HPRT1: variants seen among roughly 807,000 people sequenced by gnomAD.
The protein encoded by HPRT1 is hypoxanthine-guanine phosphoribosyltransferase.
In HPRT1, 4 loss-of-function variants were observed where a neutral mutation model predicts 19.0. That is an observed-to-expected ratio of 0.21 (90% confidence interval 0.10 to 0.48). The LOEUF (loss-of-function observed/expected upper bound fraction) is 0.48. Ranked by LOEUF, HPRT1 falls within the 20% of genes least tolerant of loss-of-function variation. The pLI, the probability that HPRT1 is intolerant of heterozygous loss-of-function variation, is 0.98. For synonymous variants in HPRT1, 53 were observed against 54.9 expected (o/e 0.97, Z 0.15); for missense variants, 65 against 164.0 (o/e 0.40, Z 3.30).
In HPRT1 at chrX:134,493,522, T is replaced by C. The variant is rs1202127208; in HGVS notation, c.417T>C (p.Thr139=). Reference sequence around the variant, plus strand: ...TTTTTTGAAAGGATATAATTGACACTGGCAAAACAATGCAGACTTTGCTTT... The same window carrying C: ...TTTTTTGAAAGGATATAATTGACACCGGCAAAACAATGCAGACTTTGCTTT... The part of the protein sequence containing the change: ...NVLIVEDIID[T]GKTMQTLLSL... The change falls in exon 6 of 9, where the codon ACT becomes ACC. Residue 139 remains threonine (T), a synonymous_variant. Transcript: ENST00000298556. The C allele has an allele frequency of 8.3e-6, 10 of 1,202,067 alleles. No individual in the cohort carries two copies. The highest frequency in any genetic ancestry group is 1.1e-5 in the Non-Finnish European group (10 of 888,014).
rs190378892 is a variant in HPRT1, at chrX:134,462,715, A to G, written c.27+2377A>G. Among the ~76,000 whole-genome samples, 602 of 112,366 alleles carry G rather than the reference A, an allele frequency of 5.4e-3. 2 individuals carry two copies. The highest frequency in any genetic ancestry group is 0.018 in the African/African-American group (572 of 30,990). On this transcript the variant is annotated intron_variant, in intron 1 of 8. Transcript: ENST00000298556. Reference sequence around the variant, plus strand: ...GGCTGTTTGTTAGTTTTCTTTGAACATAAGATACTCATTGTTTTTAGTTTG... The same window carrying G: ...GGCTGTTTGTTAGTTTTCTTTGAACGTAAGATACTCATTGTTTTTAGTTTG...
rs762088856 is a variant in HPRT1, at chrX:134,472,827, G to A, written c.28-532G>A. On this transcript the variant is annotated intron_variant, in intron 1 of 8. Coordinates refer to ENST00000298556, the MANE Select transcript of HPRT1 (RefSeq NM_000194.3). ...TGACCTCAGGTGATCCACCCGCCTC[G>A]GCCTCCCAAAGTGCTGGGATTACAG... Among the ~76,000 whole-genome samples, 37 of 111,143 alleles carry A rather than the reference G, an allele frequency of 3.3e-4. 1 individual carries two copies. In the South Asian group the frequency reaches 0.012, roughly 37 times the overall value.
intron 5 of HPRT1, among the ~76,000 whole-genome samples, chrX:134,492,746 G>GGGGA (rs1027347743): frequency 1.8e-5 from 2 of 111,981 alleles, no homozygotes; most frequent in African/African-American, 6.5e-5. Flanking sequence ...TCACATTCAA[G>GGGGA]GGGAGGGAAC....
At chrX:134,482,814 C>T (rs1320619785) in intron 3 of HPRT1, among the ~76,000 whole-genome samples, 1 of 103,734 alleles carries the variant, frequency 9.6e-6, no homozygotes, top group Non-Finnish European at 2.0e-5. Flanking sequence ...AATGGAATAT[C>T]TGCCCTTTTT....
At chrX:134,466,712 T>C (rs1160012647) in intron 1 of HPRT1, among the ~76,000 whole-genome samples, 2 of 112,211 alleles carry the variant, frequency 1.8e-5, no homozygotes, top group African/African-American at 3.2e-5. Flanking sequence ...ATGTAACTTA[T>C]ATTCATACAG....
At chrX:134,493,613 G>C (rs1159294131) in intron 6 of HPRT1, 23 bp downstream of exon 6, 1 of 1,039,248 alleles carries the variant, frequency 9.6e-7, no homozygotes, top group Admixed American at 2.2e-5. Flanking sequence ...TTTTGACACA[G>C]AATATTTTCC....
chrX:134,464,805 G>A (rs1211866230), intron 1 of HPRT1, among the ~76,000 whole-genome samples: 1 of 110,408 alleles, frequency 9.1e-6, no homozygotes, highest in African/African-American at 3.3e-5. Flanking sequence ...CTGACCTCAT[G>A]ATCTGCCTGC....
chrX:134,476,458 C>A (rs1473013968), intron 3 of HPRT1, among the ~76,000 whole-genome samples: 2 of 111,911 alleles, frequency 1.8e-5, no homozygotes, highest in African/African-American at 6.5e-5. Flanking sequence ...TTTTACTCAA[C>A]AAAAGTGATT....
At chrX:134,486,770 C>CT (rs1431055755) in intron 4 of HPRT1, 4 of 289,686 alleles carry the variant, frequency 1.4e-5, no homozygotes, top group Non-Finnish European at 2.5e-5. Flanking sequence ...CTGTGGGACT[C>CT]TAATTTGGGA....
chrX:134,490,098 T>C (rs2077662663), intron 4 of HPRT1, 90 bp from the exon 5 acceptor site: 1 of 519,726 alleles, frequency 1.9e-6, no homozygotes, highest in East Asian at 4.0e-5. Flanking sequence ...GTTTGGATAA[T>C]TCCTTAGGGT....
chrX:134,499,954 A>G (rs1360814667), intron 8 of HPRT1, 76 bp from the exon 9 acceptor site: 1 of 667,081 alleles, frequency 1.5e-6, no homozygotes, highest in Non-Finnish European at 2.5e-6. Context: ...TAGTGTTCTT[A>G]TATGTAAAAT....
Position 134,500,166 on chromosome X carries a change from G to T in HPRT1, c.*89G>T, listed in dbSNP as rs949097070. The T allele has an allele frequency of 6.5e-6, 4 of 617,713 alleles. No homozygotes were observed. The highest frequency in any genetic ancestry group is 1.1e-5 in the Non-Finnish European group (4 of 361,702). 50.9% of individuals were successfully genotyped at this position (617,713 alleles called of 1,213,427 possible). A position where few individuals can be genotyped will look rare whatever the true frequency, so the allele number is the denominator to read the frequency against. On this transcript the variant is annotated 3_prime_UTR_variant, in exon 9 of 9. Transcript: ENST00000298556. ...CAATGTTCTAGTTCTGTGGCCATCT[G>T]CTTAGTAGAGCTTTTTGCATGTATC...
intron 3 of HPRT1, among the ~76,000 whole-genome samples, chrX:134,480,867 G>A (rs1479883738): frequency 9.5e-6 from 1 of 104,915 alleles, no homozygotes; most frequent in Non-Finnish European, 2.0e-5. Flanking sequence ...TATAACTTTA[G>A]TGTTGATCTT....
rs754733117 is a variant in HPRT1, at chrX:134,491,411, A to G, written c.402+1206A>G. 3.6e-5 allele frequency among the ~76,000 whole-genome samples: 4 copies of G among 111,202 alleles called. No homozygotes were observed. In the East Asian group the frequency reaches 1.1e-3, roughly 31 times the overall value. ...GTGTTCCTCAACTGTGTCCTGATAA[A>G]CCCATCTGAAGTTGAAAATATCATA... On this transcript the variant is annotated intron_variant, in intron 5 of 8. Transcript: ENST00000298556.
Position 134,460,171 on chromosome X carries a change from A to T in HPRT1, c.-141A>T, listed in dbSNP as rs1385280950. On this transcript the variant is annotated 5_prime_UTR_variant, in exon 1 of 9. Coordinates refer to ENST00000298556, the MANE Select transcript of HPRT1 (RefSeq NM_000194.3). ...GCGGGGCCTGCTTCTCCTCAGCTTC[A>T]GGCGGCTGCGACGAGCCCTCAGGCG... is the stretch of plus-strand genomic sequence containing the variant. The T allele has an allele frequency of 1.0e-5, 6 of 583,963 alleles. No individual in the cohort carries two copies. Among genetic ancestry groups the T allele is most frequent in the South Asian group, 2.6e-5 (1 of 37,833 alleles). 48.1% of individuals were successfully genotyped at this position (583,963 alleles called of 1,213,427 possible). A position where few individuals can be genotyped will look rare whatever the true frequency, so the allele number is the denominator to read the frequency against.
chrX:134,488,648 A>T (rs1253734369), intron 4 of HPRT1, among the ~76,000 whole-genome samples: 1 of 111,185 alleles, frequency 9.0e-6, no homozygotes, highest in Non-Finnish European at 1.9e-5. Flanking sequence ...TAACTACTTG[A>T]TATAATTCAA....
At chrX:134,463,530 G>T (rs993266824) in intron 1 of HPRT1, among the ~76,000 whole-genome samples, 1 of 111,163 alleles carries the variant, frequency 9.0e-6, no homozygotes, top group African/African-American at 3.3e-5. Context: ...AAATAGAGCA[G>T]TTCAGTTCAG....
At chrX:134,488,405 G>A (rs1324671051) in intron 4 of HPRT1, among the ~76,000 whole-genome samples, 3 of 110,774 alleles carry the variant, frequency 2.7e-5, no homozygotes, top group African/African-American at 9.9e-5. Flanking sequence ...CCAAAGTACC[G>A]GGATTACGGG....
intron 1 of HPRT1, among the ~76,000 whole-genome samples, chrX:134,463,702 A>C (rs2077590033): frequency 8.9e-6 from 1 of 112,037 alleles, no homozygotes; most frequent in South Asian, 3.7e-4. Context: ...TCTGCAGTTC[A>C]TTAGATAGTA....
Sources: allele counts gnomAD v4.1 joint callset (sites outside exome capture counted in the v4.1 genomes callset), GRCh38; gene constraint gnomAD v4.1.1; transcripts MANE v1.5; gene names NCBI Gene and HGNC (gene_info 2026-07-23, HGNC 2026-07-21).